TSPAN7: variants seen among roughly 807,000 people sequenced by gnomAD.
TSPAN7 encodes tetraspanin 7.
A neutral mutation model predicts 17.6 loss-of-function variants in TSPAN7; 1 was observed. The observed-to-expected ratio is 0.06, with a 90% CI of 0.02 to 0.27. The LOEUF is 0.27. TSPAN7 is among the 10% of genes least tolerant of loss of function. The pLI is 1.00. For missense variants in TSPAN7, 112 were observed against 201.7 expected, an observed-to-expected ratio of 0.56 and a Z score of 2.69; for synonymous variants, 78 against 79.0, an observed-to-expected ratio of 0.99 and a Z score of 0.07.
At chrX:38,646,254 C>T (rs1421448640) in intron 1 of TSPAN7, 1 of 1,150,644 alleles carries the variant, frequency 8.7e-7, no homozygotes, top group Admixed American at 2.6e-5. Flanking sequence ...ATTACATGTT[C>T]ATAAAAGAAA....
intron 1 of TSPAN7, among the ~76,000 whole-genome samples, chrX:38,655,103 T>C (rs1303582412): frequency 9.0e-6 from 1 of 111,582 alleles, no homozygotes; most frequent in Non-Finnish European, 1.9e-5. Flanking sequence ...TGACTTTCTC[T>C]CTGAGAGATG....
chrX:38,613,741 C>G (rs147306270), intron 1 of TSPAN7, among the ~76,000 whole-genome samples: 4,705 of 110,880 alleles, frequency 0.042, 69 homozygotes, highest in Non-Finnish European at 0.051. Flanking sequence ...CATGACCTGA[C>G]TATGCCTCCC....
chrX:38,654,720 CATGAATAGG>C (rs56311956), intron 1 of TSPAN7, among the ~76,000 whole-genome samples: 59,858 of 109,837 alleles, frequency 0.54, 13,222 homozygotes, highest in East Asian at 0.93. Flanking sequence ...GGGATACACC[CATGAATAGG>C]ATGAATAGGA....
At chrX:38,651,443 C>T (rs751762281) in intron 1 of TSPAN7, among the ~76,000 whole-genome samples, 17 of 111,750 alleles carry the variant, frequency 1.5e-4, no homozygotes, top group East Asian at 5.7e-4. Context: ...CCAGCCTGGG[C>T]GACAGAGCGA....
intron 1 of TSPAN7, among the ~76,000 whole-genome samples, chrX:38,614,583 A>G (rs779050636): frequency 1.7e-4 from 19 of 112,681 alleles, no homozygotes; most frequent in African/African-American, 6.1e-4. Context: ...CTATTCTGAC[A>G]TGTTTTGAGT....
At chrX:38,646,241 T>C in intron 1 of TSPAN7, 2 of 1,145,079 alleles carry the variant, frequency 1.7e-6, no homozygotes, top group Non-Finnish European at 2.3e-6. Flanking sequence ...TAATATCTTT[T>C]GTATTACATG....
intron 4 of TSPAN7, among the ~76,000 whole-genome samples, 187 bp downstream of exon 4, chrX:38,674,503 G>T (rs958667710): frequency 8.9e-6 from 1 of 111,961 alleles, no homozygotes; most frequent in Admixed American, 9.5e-5. Context: ...TTAATGTCAA[G>T]GAGGACCACT....
chrX:38,687,771 C>T, intron 7 of TSPAN7, 97 bp downstream of exon 7: 3 of 678,304 alleles, frequency 4.4e-6, no homozygotes, highest in Non-Finnish European at 6.6e-6. Context: ...CATTGAGCTA[C>T]CTGATCTTGG....
chrX:38,579,733 T>C (rs1435785314), intron 1 of TSPAN7, among the ~76,000 whole-genome samples: 1 of 111,535 alleles, frequency 9.0e-6, no homozygotes, highest in Non-Finnish European at 1.9e-5. Flanking sequence ...AACGATATGA[T>C]AATTTTCTGT....
intron 1 of TSPAN7, among the ~76,000 whole-genome samples, chrX:38,649,530 T>G (rs2069664771): frequency 9.0e-6 from 1 of 111,624 alleles, no homozygotes; most frequent in African/African-American, 3.3e-5. Flanking sequence ...GGGAAGGGCC[T>G]GGCCTCCTGA....
chrX:38,636,516 C>T (rs1345167759), intron 1 of TSPAN7, among the ~76,000 whole-genome samples: 1 of 111,236 alleles, frequency 9.0e-6, no homozygotes. Flanking sequence ...TGGTGGAACT[C>T]CAGCCCCAAG....
intron 1 of TSPAN7, among the ~76,000 whole-genome samples, chrX:38,581,901 T>C (rs1191982057): frequency 8.9e-6 from 1 of 112,555 alleles, no homozygotes; most frequent in African/African-American, 3.2e-5. Flanking sequence ...TACTTTTGCT[T>C]TGCTTTAAAG....
chrX:38,572,815 G>T (rs1291993772), intron 1 of TSPAN7, among the ~76,000 whole-genome samples: 1 of 111,905 alleles, frequency 8.9e-6, no homozygotes, highest in African/African-American at 3.2e-5. Context: ...TGTTTCTGGT[G>T]AAGCTTTTGC....
At chrX:38,655,104 C>A (rs2069695146) in intron 1 of TSPAN7, among the ~76,000 whole-genome samples, 1 of 111,564 alleles carries the variant, frequency 9.0e-6, no homozygotes, top group African/African-American at 3.3e-5. Context: ...GACTTTCTCT[C>A]TGAGAGATGA....
At chrX:38,571,499 G>A (rs1046384243) in intron 1 of TSPAN7, among the ~76,000 whole-genome samples, 4 of 111,089 alleles carry the variant, frequency 3.6e-5, no homozygotes, top group East Asian at 2.8e-4. Context: ...AGGTAGCTAC[G>A]GAGTATCTAA....
chrX:38,673,763 T>G (rs1032308003), intron 3 of TSPAN7, among the ~76,000 whole-genome samples: 31 of 111,418 alleles, frequency 2.8e-4, no homozygotes, highest in African/African-American at 9.8e-4. Context: ...GCCTCACTCC[T>G]ATGGTAAAAC....
intron 1 of TSPAN7, among the ~76,000 whole-genome samples, chrX:38,637,118 T>C (rs776577710): frequency 2.7e-5 from 3 of 112,325 alleles, no homozygotes; most frequent in African/African-American, 9.7e-5. Flanking sequence ...AGGTGTTTCC[T>C]TAGCTAGCAA....
intron 1 of TSPAN7, among the ~76,000 whole-genome samples, chrX:38,649,894 T>C (rs962814897): frequency 2.7e-5 from 3 of 112,072 alleles, no homozygotes; most frequent in African/African-American, 6.5e-5. Context: ...AGATGGGGCA[T>C]TGGGACATGG....
At chrX:38,646,215 C>T (rs955925082) in intron 1 of TSPAN7, 5 of 1,094,917 alleles carry the variant, frequency 4.6e-6, no homozygotes, top group Non-Finnish European at 6.1e-6. Flanking sequence ...AGATCCAATA[C>T]CATAGAGCTT....
Sources: allele counts gnomAD v4.1 joint callset (sites outside exome capture counted in the v4.1 genomes callset), GRCh38; gene constraint gnomAD v4.1.1; transcripts MANE v1.5; gene names NCBI Gene and HGNC (gene_info 2026-07-23, HGNC 2026-07-21).